GALNT13: variants seen among roughly 807,000 people sequenced by gnomAD.
The protein encoded by GALNT13 is polypeptide N-acetylgalactosaminyltransferase 13, also known as UDP-GalNAc:polypeptide N-acetylgalactosaminyltransferase 13.
GALNT13 carries 28 observed loss-of-function variants against 64.2 expected under a neutral mutation model. The ratio of observed to expected loss-of-function variants is 0.44; its 90% CI spans 0.32 to 0.60. GALNT13 has a LOEUF of 0.60. GALNT13 is among the 20% of genes least tolerant of loss of function. GALNT13 has a pLI of 0.05. For synonymous variants in GALNT13, 214 were observed against 224.6 expected (o/e 0.95, Z 0.42); for missense variants, 577 against 669.8 (o/e 0.86, Z 1.53).
At chr2:154,062,852 G>T (rs1259672074) in intron 3 of GALNT13, among the ~76,000 whole-genome samples, 13 of 149,608 alleles carry the variant, frequency 8.7e-5, no homozygotes, top group African/African-American at 2.2e-4. Flanking sequence ...AACATGGAAT[G>T]TTTTTTTTTT....
the GALNT13 span, among the ~76,000 whole-genome samples, chr2:153,332,756 G>T: frequency 6.6e-6 from 1 of 152,146 alleles, no homozygotes; most frequent in African/African-American, 2.4e-5. Context: ...TATCCAGTAA[G>T]AGTGGGGCAC....
chr2:153,205,780 C>A, the GALNT13 span, among the ~76,000 whole-genome samples: 6 of 152,036 alleles, frequency 3.9e-5, no homozygotes, highest in Non-Finnish European at 1.5e-5. Flanking sequence ...TGTCTATCAA[C>A]AGAAATTATT....
the GALNT13 span, among the ~76,000 whole-genome samples, chr2:153,699,703 G>A: frequency 1.2e-4 from 19 of 152,186 alleles, no homozygotes; most frequent in African/African-American, 4.6e-4. Flanking sequence ...ATCAGAGAAT[G>A]CTAGAAACAC....
Position 154,379,302 on chromosome 2 carries a change from CT to C in GALNT13, c.1157-16681del, listed in dbSNP as rs35957769. Among the ~76,000 whole-genome samples, 415 of 151,802 alleles carry C rather than the reference CT, an allele frequency of 2.7e-3. 1 individual carries two copies. The highest frequency in any genetic ancestry group is 9.4e-3 in the African/African-American group (388 of 41,462). On this transcript the variant is annotated intron_variant, in intron 9 of 12. Coordinates refer to ENST00000392825, the MANE Select transcript of GALNT13 (RefSeq NM_052917.4). ...GTAAAATGCTATGTAGCTTTCTCTA[CT>C]TTTTTTTAGAGCCTTAAACTAGATT...
rs1168501582 is a variant in GALNT13 at position 154,301,465 on chromosome 2, T to G, written c.1032T>G (p.Val344=). Residue 344 remains valine (V), a synonymous_variant, in exon 9 of 13, where the codon GTT becomes GTG. Transcript: ENST00000392825. ...TTACTTGCTCCCATGTTGGTCATGT[T>G]TTTCGGAAGGCAACTCCATACACTT... is the stretch of plus-strand genomic sequence containing the variant. ...EIVTCSHVGH[V]FRKATPYTFP... 1.2e-6 allele frequency: 2 copies of G among 1,613,732 alleles called. No individual in the cohort carries two copies. The highest frequency in any genetic ancestry group is 1.3e-5 in the African/African-American group (1 of 74,926).
intron 2 of GALNT13, among the ~76,000 whole-genome samples, chr2:153,933,302 G>C (rs1378818313): frequency 6.6e-6 from 1 of 151,992 alleles, no homozygotes; most frequent in Non-Finnish European, 1.5e-5. Flanking sequence ...CCCCAGTGTT[G>C]GTTGCAAATA....
chr2:153,604,530 C>A, the GALNT13 span, among the ~76,000 whole-genome samples: 1 of 151,996 alleles, frequency 6.6e-6, no homozygotes, highest in Non-Finnish European at 1.5e-5. Context: ...ACAAAACTTG[C>A]TTCCTGAGCA....
intron 4 of GALNT13, among the ~76,000 whole-genome samples, chr2:154,182,054 C>G (rs989034457): frequency 6.6e-6 from 1 of 152,088 alleles, no homozygotes; most frequent in African/African-American, 2.4e-5. Context: ...ATATCAAACA[C>G]TATGCTAACT....
chr2:153,334,258 C>A, the GALNT13 span, among the ~76,000 whole-genome samples: 2 of 152,168 alleles, frequency 1.3e-5, no homozygotes, highest in Non-Finnish European at 2.9e-5. Context: ...TGTCTGCAGT[C>A]TCAATTTAGA....
chr2:153,251,477 A>C, the GALNT13 span, among the ~76,000 whole-genome samples: 2 of 151,660 alleles, frequency 1.3e-5, no homozygotes, highest in African/African-American at 4.8e-5. Flanking sequence ...TTTTAAATTT[A>C]TTATTATTAT....
chr2:153,141,108 A>AGCCTTGACTCCAAGTT, the GALNT13 span, among the ~76,000 whole-genome samples: 236 of 146,598 alleles, frequency 1.6e-3, 1 homozygote, highest in South Asian at 4.4e-3. Flanking sequence ...CATATGTAAA[A>AGCCTTGACTCCAAGTT]TCAGGAAATA....
chr2:153,902,673 G>A (rs924949825), intron 2 of GALNT13, among the ~76,000 whole-genome samples: 1 of 152,040 alleles, frequency 6.6e-6, no homozygotes, highest in Non-Finnish European at 1.5e-5. Context: ...AGGGGTTGGA[G>A]CATGTGAGAT....
chr2:153,887,311 C>T lies in GALNT13; in HGVS notation c.-176-13625C>T, dbSNP rs76351733. 7.4e-3 allele frequency among the ~76,000 whole-genome samples: 1,105 copies of T among 149,884 alleles called. 15 individuals are homozygous for T. The highest frequency in any genetic ancestry group is 0.026 in the African/African-American group (1,042 of 40,682). ...ATTTGTGTATCTCCTCTCCGATGGT[C>T]CTCTCTTGGTATCTAGTGTGACAGG... On this transcript the variant is annotated intron_variant, in intron 1 of 12. Coordinates refer to ENST00000392825, the MANE Select transcript of GALNT13 (RefSeq NM_052917.4).
chr2:154,365,733 TTAGA>T (rs1467095439), intron 9 of GALNT13, among the ~76,000 whole-genome samples: 2 of 152,220 alleles, frequency 1.3e-5, no homozygotes, highest in African/African-American at 2.4e-5. Context: ...TTCTTTCCTG[TTAGA>T]TACTCAGTAA....
intron 3 of GALNT13, among the ~76,000 whole-genome samples, chr2:153,987,546 G>A (rs1292108940): frequency 6.6e-6 from 1 of 151,854 alleles, no homozygotes; most frequent in Admixed American, 6.6e-5. Context: ...CCATAGTAAA[G>A]CCTAGTCTTA....
chr2:154,424,013 G>GATATTCT (rs1700367060), intron 11 of GALNT13, among the ~76,000 whole-genome samples: 1 of 152,070 alleles, frequency 6.6e-6, no homozygotes. Flanking sequence ...CAAACTGAGA[G>GATATTCT]ATATTCTATA....
the GALNT13 span, among the ~76,000 whole-genome samples, chr2:153,299,787 C>A: frequency 2.0e-5 from 3 of 152,190 alleles, no homozygotes; most frequent in South Asian, 6.2e-4. Flanking sequence ...GGCATTGAAT[C>A]AAATTTTCAT....
chr2:153,444,195 G>A, the GALNT13 span, among the ~76,000 whole-genome samples: 84 of 151,684 alleles, frequency 5.5e-4, no homozygotes, highest in Admixed American at 9.2e-4. Context: ...TCACCCACCC[G>A]CTGACCTACC....
chr2:154,156,667 C>G (rs1684440489), intron 4 of GALNT13, among the ~76,000 whole-genome samples: 1 of 152,094 alleles, frequency 6.6e-6, no homozygotes, highest in Non-Finnish European at 1.5e-5. Flanking sequence ...GTAAGGCTGT[C>G]TAATTCTGAG....
Sources: gnomAD v4.1 joint callset for allele counts (sites outside exome capture counted in the v4.1 genomes callset) on GRCh38, gnomAD v4.1.1 for gene constraint, MANE v1.5 for transcripts, NCBI Gene and HGNC (gene_info 2026-07-23, HGNC 2026-07-21) for gene names.